Variants in KCNN2 observed in about 807,000 individuals in gnomAD.
KCNN2 encodes the protein small conductance calcium-activated potassium channel protein 2.
A neutral mutation model predicts 55.5 loss-of-function variants in KCNN2; 24 were observed. That is an observed-to-expected ratio of 0.43 (90% CI 0.31 to 0.61). The LOEUF is 0.61. Ranked by LOEUF, KCNN2 falls within the 20% of genes least tolerant of loss-of-function variation. The probability of loss-of-function intolerance (pLI) is 0.08; values close to 1 mark genes in which losing one functional copy is unlikely to be tolerated. For synonymous variants in KCNN2, 431 were observed against 336.1 expected (o/e 1.28, Z -3.09); for missense variants, 754 against 853.6 (o/e 0.88, Z 1.45).
At chr5:114,429,778 T>C (rs1258141480) in intron 3 of KCNN2, among the ~76,000 whole-genome samples, 1 of 151,586 alleles carries the variant, frequency 6.6e-6, no homozygotes, top group East Asian at 1.9e-4. Flanking sequence ...TTTTGGGGGT[T>C]TTTTTGTGGG....
intron 2 of KCNN2, among the ~76,000 whole-genome samples, chr5:114,355,033 C>A (rs1364730597): frequency 6.6e-6 from 1 of 152,156 alleles, no homozygotes; most frequent in African/African-American, 2.4e-5. Context: ...TGTTTTGTTG[C>A]TGGTGACATT....
intron 1 of KCNN2, among the ~76,000 whole-genome samples, chr5:114,087,587 A>C (rs1295646017): frequency 6.6e-6 from 1 of 152,092 alleles, no homozygotes; most frequent in African/African-American, 2.4e-5. Flanking sequence ...AGATGGCTGT[A>C]GGTGTCATAG....
At chr5:114,381,435 G>T (rs1758122734) in intron 2 of KCNN2, among the ~76,000 whole-genome samples, 1 of 152,164 alleles carries the variant, frequency 6.6e-6, no homozygotes, top group Non-Finnish European at 1.5e-5. Context: ...AGATGCAGTG[G>T]TGCTATGCTT....
chr5:114,299,042 T>C (rs1756095443), intron 2 of KCNN2, among the ~76,000 whole-genome samples: 1 of 152,160 alleles, frequency 6.6e-6, no homozygotes, highest in Non-Finnish European at 1.5e-5. Flanking sequence ...AGGGTGAAGG[T>C]TAATTCAACA....
Position 114,293,263 on chromosome 5 carries a change from T to A in KCNN2, c.-184-67682T>A, listed in dbSNP as rs1244523434. ...AGTGGTGAGAGAGGGCATCCCTGTC[T>A]TGTGCCAGTTTTCAAAGGGAATGCT... On this transcript the variant is annotated intron_variant, in intron 2 of 10. Transcript: ENST00000512097. Among the ~76,000 whole-genome samples the A allele has an allele frequency of 5.9e-5, 9 of 152,292 alleles. 1 individual carries two copies. In the East Asian group the frequency reaches 1.5e-3, roughly 26 times the overall value.
At chr5:114,489,301 G>GA (rs1211515856) in intron 6 of KCNN2, among the ~76,000 whole-genome samples, 1 of 151,956 alleles carries the variant, frequency 6.6e-6, no homozygotes. Context: ...TAAAACATTA[G>GA]AAAAAAAGTA....
At chr5:114,184,016 T>C (rs1473823098) in intron 1 of KCNN2, among the ~76,000 whole-genome samples, 2 of 152,194 alleles carry the variant, frequency 1.3e-5, no homozygotes, top group Non-Finnish European at 2.9e-5. Flanking sequence ...ATGCAAGAGT[T>C]AGAATGTGAA....
At chr5:114,372,160 C>G (rs1757778628) in intron 2 of KCNN2, among the ~76,000 whole-genome samples, 2 of 152,180 alleles carry the variant, frequency 1.3e-5, no homozygotes, top group Admixed American at 1.3e-4. Flanking sequence ...TAAATTGGTG[C>G]TAGATTCTGT....
At chr5:114,384,803 T>C (rs1013148226) in intron 2 of KCNN2, among the ~76,000 whole-genome samples, 1 of 152,078 alleles carries the variant, frequency 6.6e-6, no homozygotes, top group Non-Finnish European at 1.5e-5. Context: ...AGGGACCGGA[T>C]TGATTCATCC....
chr5:114,362,934 T>TGCCGCTGCC lies in KCNN2; in HGVS notation c.800_801insTGCCGCCGC (p.Ala268_Ala270dup). ...GCGCGTCCTCCCCGTCTGCAGCCGC[T>TGCCGCTGCC]GCCGCCGCCGCCGCTGTTTCGTCCT... On this transcript the variant is annotated inframe_insertion, in exon 1 of 8. Coordinates refer to ENST00000673685, the MANE Select transcript of KCNN2 (RefSeq NM_021614.4). 1.3e-6 allele frequency: 2 copies of TGCCGCTGCC among 1,560,874 alleles called. No homozygotes were observed. The highest frequency in any genetic ancestry group is 8.6e-7 in the Non-Finnish European group (1 of 1,161,082).
chr5:114,478,749 A>G (rs1762088989), intron 5 of KCNN2, among the ~76,000 whole-genome samples: 1 of 152,132 alleles, frequency 6.6e-6, no homozygotes, highest in Non-Finnish European at 1.5e-5. Flanking sequence ...CCCATATTCA[A>G]CATTCTTAAA....
At chr5:114,308,140 A>G (rs1323298838) in intron 2 of KCNN2, among the ~76,000 whole-genome samples, 1 of 152,132 alleles carries the variant, frequency 6.6e-6, no homozygotes, top group African/African-American at 2.4e-5. Context: ...AATTTATCAC[A>G]GCTGAGAACA....
chr5:114,213,214 G>T (rs904004489), intron 1 of KCNN2, among the ~76,000 whole-genome samples: 1 of 151,918 alleles, frequency 6.6e-6, no homozygotes, highest in Non-Finnish European at 1.5e-5. Flanking sequence ...TCATGATGTT[G>T]GGGCATACAC....
At chr5:114,378,962 A>G (rs369975372) in intron 2 of KCNN2, among the ~76,000 whole-genome samples, 3 of 152,190 alleles carry the variant, frequency 2.0e-5, no homozygotes, top group Admixed American at 1.3e-4. Flanking sequence ...GGCAGCATGT[A>G]TAATTTATTA....
chr5:114,345,956 T>C (rs986598687), intron 2 of KCNN2, among the ~76,000 whole-genome samples: 1 of 151,992 alleles, frequency 6.6e-6, no homozygotes, highest in Non-Finnish European at 1.5e-5. Flanking sequence ...AATTTTTGTA[T>C]TTTTTTAGTA....
At chr5:114,056,717 A>T (rs1321759513) in intron 1 of KCNN2, among the ~76,000 whole-genome samples, 1 of 152,148 alleles carries the variant, frequency 6.6e-6, no homozygotes, top group Non-Finnish European at 1.5e-5. Context: ...GTTCTGCACT[A>T]GAGGCCATGT....
intron 1 of KCNN2, among the ~76,000 whole-genome samples, chr5:114,059,365 A>G (rs1238403287): frequency 6.6e-6 from 1 of 152,224 alleles, no homozygotes; most frequent in Non-Finnish European, 1.5e-5. Context: ...AGATAGTGAG[A>G]CATGAGTATG....
chr5:114,275,764 CT>C (rs1294038229), intron 2 of KCNN2, among the ~76,000 whole-genome samples: 1 of 151,900 alleles, frequency 6.6e-6, no homozygotes, highest in Non-Finnish European at 1.5e-5. Flanking sequence ...TTTTGTTGAT[CT>C]TTTCAAAAAA....
At chr5:114,393,431 T>TA (rs1758515689) in intron 2 of KCNN2, among the ~76,000 whole-genome samples, 1 of 152,170 alleles carries the variant, frequency 6.6e-6, no homozygotes, top group Non-Finnish European at 1.5e-5. Flanking sequence ...CTTTCTAGTT[T>TA]TGAAGTTTTG....
Sources: allele counts gnomAD v4.1 joint callset (sites outside exome capture counted in the v4.1 genomes callset), GRCh38; gene constraint gnomAD v4.1.1; transcripts MANE v1.5; gene names NCBI Gene and HGNC (gene_info 2026-07-23, HGNC 2026-07-21).